The following ESD variants were observed in gnomAD, a reference collection of about 807,000 sequenced individuals.
ESD encodes S-formylglutathione hydrolase.
Under a neutral mutation model 38.1 loss-of-function variants are expected in ESD, and 34 were observed. The ratio of observed to expected loss-of-function variants is 0.89; its 90% CI spans 0.68 to 1.19. ESD has a LOEUF of 1.19. Among genes scored for constraint, ESD ranks in the 50% most tolerant of loss-of-function variants. The probability of loss-of-function intolerance (pLI) is 0.00; values close to 1 mark genes in which losing one functional copy is unlikely to be tolerated. For synonymous variants in ESD, 97 were observed against 107.0 expected, an observed-to-expected ratio of 0.91 and a Z score of 0.58; for missense variants, 334 against 327.2, an observed-to-expected ratio of 1.02 and a Z score of -0.16.
chr13:46,773,480 G>C (rs1874684628), intron 9 of ESD, among the ~76,000 whole-genome samples: 1 of 152,254 alleles, frequency 6.6e-6, no homozygotes, highest in East Asian at 1.9e-4. Context: ...TTCCCATTTT[G>C]AACTAGTGAA....
At chr13:46,788,752 T>G (rs752360377) in intron 3 of ESD, among the ~76,000 whole-genome samples, 2 of 151,784 alleles carry the variant, frequency 1.3e-5, no homozygotes, top group Non-Finnish European at 2.9e-5. Context: ...ATTAAGATGT[T>G]GCTCAATTAC....
intron 9 of ESD, 28 bp from the exon 10 acceptor site, chr13:46,771,524 T>G: frequency 2.2e-6 from 3 of 1,337,590 alleles, no homozygotes; most frequent in Non-Finnish European, 3.2e-6. Context: ...GATAAGACAT[T>G]TATCTACCAT....
At chr13:46,784,228 GA>G (rs1232662304) in intron 5 of ESD, 23 bp downstream of exon 5, 2 of 1,560,900 alleles carry the variant, frequency 1.3e-6, no homozygotes, top group African/African-American at 2.7e-5. Context: ...TTTTACAAAG[GA>G]TATCTAGACC....
chr13:46,776,425 C>T (rs139663849), intron 9 of ESD: 112 of 152,130 alleles, frequency 7.4e-4, no homozygotes, highest in African/African-American at 2.6e-3. Flanking sequence ...AATATCATGC[C>T]GTCTGAAAAT....
At chr13:46,792,498 A>T (rs1481257334) in intron 2 of ESD, among the ~76,000 whole-genome samples, 1 of 152,118 alleles carries the variant, frequency 6.6e-6, no homozygotes, top group East Asian at 1.9e-4. Context: ...AATAAACCCA[A>T]ATAGTTTTAT....
rs1393153317 is a variant in ESD at position 46,780,026 on chromosome 13, G to T, written c.509C>A (p.Ser170Ter). The change falls in exon 8 of 10, where the codon TCA (serine) becomes TAA (stop). Residue 170 changes from serine (S) to a stop codon, truncating the protein, a stop_gained. Coordinates refer to ENST00000378720, the MANE Select transcript of ESD (RefSeq NM_001984.2). LOFTEE classifies it high-confidence loss of function. ...AGGGTTGCAAATTGGAGCAAATGCT[G>T]ACACAGACTTCAGAAACAAAAGAAA... Reference protein sequence around the residue: ...LKNPGKYKSVSAFAPICNPVL... With the variant: ...LKNPGKYKSV 6.3e-7 allele frequency: 1 copy of T among 1,588,198 alleles called. No individual in the cohort carries two copies. Among genetic ancestry groups the T allele is most frequent in the Non-Finnish European group, 8.6e-7 (1 of 1,166,320 alleles).
intron 1 of ESD, 124 bp downstream of exon 1, chr13:46,796,981 C>T (rs543393515): frequency 6.6e-6 from 1 of 152,540 alleles, no homozygotes; most frequent in Admixed American, 6.5e-5. Context: ...GGGTCGCCGT[C>T]TCTGCGCTCG....
chr13:46,791,987 C>T (rs1875420425), intron 2 of ESD, among the ~76,000 whole-genome samples: 1 of 152,030 alleles, frequency 6.6e-6, no homozygotes. Context: ...ACTTTAAGAT[C>T]AACATTTATT....
At chr13:46,787,512 A>G (rs1875236222) in intron 3 of ESD, among the ~76,000 whole-genome samples, 1 of 152,022 alleles carries the variant, frequency 6.6e-6, no homozygotes, top group South Asian at 2.1e-4. Flanking sequence ...CTAAAATGCA[A>G]CACATCCTTA....
chr13:46,786,540 G>A lies in ESD; in HGVS notation c.157+481C>T, dbSNP rs184326151. ...GAAACACTGATTAAGAGAAGCCTTA[G>A]CGTTCTTTTGTGACTTTCCAGATTG... On this transcript the variant is annotated intron_variant, in intron 4 of 9. Coordinates refer to ENST00000378720, the MANE Select transcript of ESD (RefSeq NM_001984.2). Among the ~76,000 whole-genome samples, 282 of 152,096 alleles carry A rather than the reference G, an allele frequency of 1.9e-3. 2 individuals carry two copies. Among genetic ancestry groups the A allele is most frequent in the African/African-American group, 6.3e-3 (262 of 41,536 alleles).
chr13:46,773,241 T>C (rs967361197), intron 9 of ESD, among the ~76,000 whole-genome samples: 1 of 152,260 alleles, frequency 6.6e-6, no homozygotes, highest in Non-Finnish European at 1.5e-5. Context: ...GAATGATTTA[T>C]ATTCCTTTGG....
intron 3 of ESD, among the ~76,000 whole-genome samples, chr13:46,787,980 T>C (rs1022862275): frequency 6.6e-6 from 1 of 151,980 alleles, no homozygotes; most frequent in African/African-American, 2.4e-5. Flanking sequence ...CTTCCCATTA[T>C]AGAAGGATTT....
At chr13:46,773,533 A>G (rs1874686579) in intron 9 of ESD, among the ~76,000 whole-genome samples, 1 of 152,252 alleles carries the variant, frequency 6.6e-6, no homozygotes, top group Non-Finnish European at 1.5e-5. Context: ...TAAGCACCTA[A>G]GAAATAAAAA....
intron 3 of ESD, among the ~76,000 whole-genome samples, chr13:46,789,181 C>G (rs1593410339): frequency 6.6e-6 from 1 of 152,304 alleles, no homozygotes; most frequent in East Asian, 1.9e-4. Flanking sequence ...CTCCTCTGAT[C>G]TGTTTTCTTG....
At chr13:46,773,286 G>A (rs937057991) in intron 9 of ESD, among the ~76,000 whole-genome samples, 2 of 152,084 alleles carry the variant, frequency 1.3e-5, no homozygotes, top group African/African-American at 4.8e-5. Flanking sequence ...TGGGTCAAAT[G>A]GCATTTCTGC....
chr13:46,780,819 C>G (rs1874971568), intron 7 of ESD, among the ~76,000 whole-genome samples: 1 of 151,682 alleles, frequency 6.6e-6, no homozygotes, highest in African/African-American at 2.4e-5. Flanking sequence ...TAATCAAGTT[C>G]TTCCTAAGAG....
At chr13:46,796,775 G>A (rs1875596758) in intron 1 of ESD, among the ~76,000 whole-genome samples, 1 of 152,248 alleles carries the variant, frequency 6.6e-6, no homozygotes, top group African/African-American at 2.4e-5. Context: ...ATTTTCGCGC[G>A]GTGGCTGCGG....
At chr13:46,780,420 T>A (rs1440240690) in intron 7 of ESD, among the ~76,000 whole-genome samples, 1 of 151,754 alleles carries the variant, frequency 6.6e-6, no homozygotes, top group East Asian at 1.9e-4. Flanking sequence ...CTGACACATT[T>A]CTCTTAAACA....
chr13:46,795,128 A>C (rs1325162075), intron 1 of ESD, among the ~76,000 whole-genome samples: 2 of 152,160 alleles, frequency 1.3e-5, no homozygotes, highest in Non-Finnish European at 2.9e-5. Context: ...TGCCTAATCT[A>C]CATTTGAGAT....
Sources: gnomAD v4.1 joint callset for allele counts (sites outside exome capture counted in the v4.1 genomes callset) on GRCh38, gnomAD v4.1.1 for gene constraint, MANE v1.5 for transcripts, NCBI Gene and HGNC (gene_info 2026-07-23, HGNC 2026-07-21) for gene names.